Variants in MVB12A observed in about 807,000 individuals in gnomAD.
The protein encoded by MVB12A is multivesicular body subunit 12A, also known as CIN85/CD2AP family binding protein.
MVB12A carries 30 observed loss-of-function variants against 34.3 expected under a neutral mutation model. The observed-to-expected ratio is 0.88, with a 90% CI of 0.65 to 1.19. The LOEUF is 1.19. MVB12A is among the 50% of genes most tolerant of loss of function. The pLI, the probability that MVB12A is intolerant of heterozygous loss-of-function variation, is 0.00. For synonymous variants in MVB12A, 158 were observed against 158.9 expected, an observed-to-expected ratio of 0.99 and a Z score of 0.04; for missense variants, 355 against 369.2, an observed-to-expected ratio of 0.96 and a Z score of 0.31.
chr19:17,412,117 A>G (rs572479034), intron 2 of MVB12A, among the ~76,000 whole-genome samples: 2 of 152,328 alleles, frequency 1.3e-5, no homozygotes, highest in East Asian at 3.9e-4. Context: ...TCAAGCCCCA[A>G]GTGTCAGAGG....
chr19:17,417,092 A>C, upstream of MVB12A: 1 of 385,242 alleles, frequency 2.6e-6, no homozygotes. Flanking sequence ...TGCACCGTCA[A>C]ACTTTCCTTT....
In MVB12A at chr19:17,420,140, A is replaced by C. The variant is rs766944952; in HGVS notation, c.5A>C (p.Asp2Ala). 4 of 1,358,928 alleles carry C rather than the reference A, an allele frequency of 2.9e-6. No individual in the cohort carries two copies. The highest frequency in any genetic ancestry group is 3.1e-5 in the African/African-American group (2 of 64,794). 84.2% of individuals were successfully genotyped at this position (1,358,928 alleles called of 1,614,324 possible). The change falls in exon 1 of 9, where the codon GAT (aspartate) becomes GCT (alanine). Residue 2 changes from aspartate (D) to alanine (A), a missense_variant. Coordinates refer to ENST00000317040, the MANE Select transcript of MVB12A (RefSeq NM_138401.4). MDPVPGTDSAPL... is the reference protein window; with the variant it reads MAPVPGTDSAPL... ...CTTCGGCGCTCGGCTCGCAGGATGG[A>C]TCCCGTACCCGGGACAGACTCGGCG...
At chr19:17,406,269 A>T (rs1009484189) in exon 2 of MVB12A, 1 of 151,922 alleles carries the variant, frequency 6.6e-6, no homozygotes, top group African/African-American at 2.4e-5. Context: ...CTTCCAGAAA[A>T]AGTGCTCCTG....
intron 4 of MVB12A, among the ~76,000 whole-genome samples, chr19:17,423,170 T>A (rs1235900215): frequency 1.5e-5 from 2 of 132,830 alleles, no homozygotes; most frequent in African/African-American, 2.9e-5. Context: ...CTGGCCAACA[T>A]GGTGAAACTC....
intron 2 of MVB12A, among the ~76,000 whole-genome samples, chr19:17,410,582 A>ACG (rs2074762284): frequency 1.4e-5 from 2 of 139,648 alleles, no homozygotes; most frequent in Admixed American, 7.4e-5. Flanking sequence ...ATATACATAT[A>ACG]TATATACACA....
chr19:17,405,771 G>T, exon 1 of MVB12A: 1 of 420,166 alleles, frequency 2.4e-6, no homozygotes, highest in Non-Finnish European at 3.9e-6. Context: ...CCAGAAAGGA[G>T]GTGGGCTTTT....
rs1599606107 is a variant in MVB12A, at chr19:17,420,084, C to T, written c.-52C>T. 1.6e-6 allele frequency: 2 copies of T among 1,213,582 alleles called. No individual in the cohort carries two copies. The highest frequency in any genetic ancestry group is 2.1e-6 in the Non-Finnish European group (2 of 967,644). The allele number at this position is 1,213,582 out of a possible 1,614,324, so 75.2% of individuals were successfully genotyped here. A position where few individuals can be genotyped will look rare whatever the true frequency, so the allele number is the denominator to read the frequency against. On this transcript the variant is annotated 5_prime_UTR_variant, in exon 1 of 9. Coordinates refer to ENST00000317040, the MANE Select transcript of MVB12A (RefSeq NM_138401.4). ...CGAGCGCTGCCGTCGGGAGGCGCTC[C>T]GAGGTTCGAGGCTGTGCCCCGCGAC...
chr19:17,422,499 C>T (rs1294317848), intron 4 of MVB12A, 41 bp downstream of exon 4: 2 of 1,572,906 alleles, frequency 1.3e-6, no homozygotes, highest in Middle Eastern at 1.7e-4. Context: ...TCCCTGCCCT[C>T]CCAACTCATG....
chr19:17,420,299 C>G lies in MVB12A; in HGVS notation c.91-14C>G. 6.3e-7 allele frequency: 1 copy of G among 1,580,834 alleles called. No homozygotes were observed. Among genetic ancestry groups the G allele is most frequent in the East Asian group, 2.3e-5 (1 of 43,810 alleles). Reference sequence around the variant, plus strand: ...GGGGTGGGAGTCCGGCGCTGACCCGCGTCCTCCCGGTAGATCTCCTGCACC... The same window carrying G: ...GGGGTGGGAGTCCGGCGCTGACCCGGGTCCTCCCGGTAGATCTCCTGCACC... On this transcript the variant is annotated splice_polypyrimidine_tract_variant and intron_variant, in intron 1 of 8. Transcript: ENST00000317040.
At chr19:17,422,647 G>A (rs887057277) in intron 4 of MVB12A, 189 bp downstream of exon 4, 6 of 477,844 alleles carry the variant, frequency 1.3e-5, no homozygotes, top group African/African-American at 2.0e-5. Context: ...CAGTGACTTG[G>A]TGTCTAAAGT....
upstream of MVB12A, chr19:17,419,881 G>T (rs1408869972): frequency 2.8e-6 from 1 of 355,878 alleles, no homozygotes; most frequent in African/African-American, 2.1e-5. Context: ...GCGGAAAGCC[G>T]GCAAGACCTT....
upstream of MVB12A, chr19:17,419,896 T>TC (rs1320357344): frequency 6.8e-5 from 26 of 380,708 alleles, no homozygotes; most frequent in Non-Finnish European, 1.0e-4. Context: ...GACCTTTTTT[T>TC]CCGCCATCAT....
rs1192125719 is a variant in MVB12A, at chr19:17,410,515, T to C, written c.-5+4219T>C. 7.8e-5 allele frequency among the ~76,000 whole-genome samples: 7 copies of C among 90,078 alleles called. 1 individual carries two copies. Among genetic ancestry groups the C allele is most frequent in the African/African-American group, 4.4e-4 (7 of 15,840 alleles). 59.1% of individuals were successfully genotyped at this position (90,078 alleles called of 152,430 possible). ...TTAGCTTCATATATATATATATATA[T>C]ATATATATATATATACACACACACA... On this transcript the variant is annotated intron_variant, in intron 2 of 6. Coordinates refer to the MVB12A transcript ENST00000528604.
intron 6 of MVB12A, 53 bp downstream of exon 6, chr19:17,423,852 T>C (rs2074853998): frequency 1.3e-6 from 2 of 1,583,288 alleles, no homozygotes; most frequent in African/African-American, 1.3e-5. Flanking sequence ...GTGACTGTCT[T>C]GAGATTACAC....
intron 2 of MVB12A, among the ~76,000 whole-genome samples, chr19:17,407,628 C>G: frequency 6.6e-6 from 1 of 152,190 alleles, no homozygotes; most frequent in Non-Finnish European, 1.5e-5. Context: ...ATGACTACTG[C>G]TATCTAGAAG....
chr19:17,410,441 G>A (rs1276009071), intron 2 of MVB12A, among the ~76,000 whole-genome samples: 2 of 143,906 alleles, frequency 1.4e-5, no homozygotes, highest in African/African-American at 2.6e-5. Context: ...CAAAGTGTTG[G>A]AATTACAGGA....
intron 2 of MVB12A, among the ~76,000 whole-genome samples, chr19:17,406,673 G>T (rs1380208784): frequency 6.6e-6 from 1 of 152,130 alleles, no homozygotes; most frequent in Admixed American, 6.5e-5. Context: ...CAGGCATGGT[G>T]GTACATGCCT....
chr19:17,415,940 A>G (rs1003904015), upstream of MVB12A, among the ~76,000 whole-genome samples: 7 of 152,258 alleles, frequency 4.6e-5, no homozygotes, highest in South Asian at 2.1e-4. Context: ...TGCAAAAGTT[A>G]TATCAGTGAG....
At chr19:17,418,711 A>C (rs1462326378), upstream of MVB12A, 1 of 151,686 alleles carries the variant, frequency 6.6e-6, no homozygotes, top group African/African-American at 2.4e-5. Context: ...TATTATAGTA[A>C]ATACTTTTTT....
Sources: allele counts gnomAD v4.1 joint callset (sites outside exome capture counted in the v4.1 genomes callset), GRCh38; gene constraint gnomAD v4.1.1; transcripts MANE v1.5; gene names NCBI Gene and HGNC (gene_info 2026-07-23, HGNC 2026-07-21).